CELF4: variants seen among roughly 807,000 people sequenced by gnomAD.
CELF4 encodes CUG-BP- and ETR-3-like factor 4.
Under a neutral mutation model 59.9 loss-of-function variants are expected in CELF4, and 18 were observed. That is an observed-to-expected ratio of 0.30 (90% confidence interval 0.21 to 0.45). The LOEUF (loss-of-function observed/expected upper bound fraction) is 0.45, where lower values mean the gene tolerates loss of function less well. Among genes scored for constraint, CELF4 ranks in the 20% least tolerant of loss-of-function variants. The probability of loss-of-function intolerance (pLI) is 1.00; values close to 1 mark genes in which losing one functional copy is unlikely to be tolerated. For missense variants in CELF4, 456 were observed against 689.0 expected, an observed-to-expected ratio of 0.66 and a Z score of 3.79; for synonymous variants, 261 against 267.1, an observed-to-expected ratio of 0.98 and a Z score of 0.22.
chr18:37,463,577 G>A (rs1333992979), intron 2 of CELF4, among the ~76,000 whole-genome samples: 6 of 152,142 alleles, frequency 3.9e-5, no homozygotes, highest in Non-Finnish European at 8.8e-5. Flanking sequence ...TTTGGACCTG[G>A]GCCAAAGGGT....
chr18:37,392,890 A>G lies in CELF4; in HGVS notation c.370-71009T>C, dbSNP rs1341495013. Among the ~76,000 whole-genome samples, 11 of 152,110 alleles carry G rather than the reference A, an allele frequency of 7.2e-5. No individual in the cohort carries two copies. The East Asian group carries it at 2.1e-3, about 29-fold the overall frequency. ...CTTCATCCTCTTCAAAGCTCTTATC[A>G]GCGCCTACATTGATATTGTTTATCG... On this transcript the variant is annotated intron_variant, in intron 2 of 12. Coordinates refer to ENST00000420428, the MANE Select transcript of CELF4 (RefSeq NM_020180.4).
intron 11 of CELF4, among the ~76,000 whole-genome samples, chr18:37,256,864 C>T (rs989151872): frequency 3.9e-5 from 6 of 152,200 alleles, no homozygotes; most frequent in African/African-American, 1.4e-4. Context: ...GGATTATAGG[C>T]ATGAGCCACT....
intron 2 of CELF4, among the ~76,000 whole-genome samples, chr18:37,450,541 G>C (rs1021104109): frequency 1.3e-5 from 2 of 151,758 alleles, no homozygotes; most frequent in Non-Finnish European, 2.9e-5. Context: ...ATTCAAGGCA[G>C]ATAAAGTGCG....
At chr18:37,397,774 T>C (rs1348645230) in intron 2 of CELF4, among the ~76,000 whole-genome samples, 1 of 152,200 alleles carries the variant, frequency 6.6e-6, no homozygotes, top group Non-Finnish European at 1.5e-5. Context: ...ATCAGAGAAG[T>C]CCAGTCTCAG....
intron 2 of CELF4, among the ~76,000 whole-genome samples, chr18:37,343,489 G>T (rs2098131419): frequency 6.6e-6 from 1 of 152,026 alleles, no homozygotes; most frequent in Admixed American, 6.6e-5. Flanking sequence ...TGGCAGCCGG[G>T]TGCAGTCTAA....
At chr18:37,482,249 T>C (rs1390071815) in intron 2 of CELF4, among the ~76,000 whole-genome samples, 1 of 152,160 alleles carries the variant, frequency 6.6e-6, no homozygotes, top group African/African-American at 2.4e-5. Context: ...CTGCCCCATG[T>C]TGACTGTCCC....
At chr18:37,317,336 A>G (rs2096902577) in intron 3 of CELF4, among the ~76,000 whole-genome samples, 1 of 152,232 alleles carries the variant, frequency 6.6e-6, no homozygotes, top group Non-Finnish European at 1.5e-5. Context: ...GCAGTGAGCC[A>G]AGATCGTGCT....
intron 2 of CELF4, among the ~76,000 whole-genome samples, chr18:37,390,137 G>A (rs191693082): frequency 5.3e-5 from 8 of 152,304 alleles, no homozygotes; most frequent in African/African-American, 1.2e-4. Context: ...CCTTGTCCAC[G>A]CCCCCTCCCC....
chr18:37,431,364 T>C (rs1242934690), intron 2 of CELF4, among the ~76,000 whole-genome samples: 1 of 129,606 alleles, frequency 7.7e-6, no homozygotes, highest in Non-Finnish European at 1.6e-5. Context: ...TTTCTTTCCT[T>C]TTTTTTTTTT....
chr18:37,458,347 C>T (rs2099784404), intron 2 of CELF4, among the ~76,000 whole-genome samples: 1 of 152,180 alleles, frequency 6.6e-6, no homozygotes, highest in Non-Finnish European at 1.5e-5. Context: ...TTTTCTTTGC[C>T]CTAGTAAGGA....
chr18:37,432,786 CT>C (rs1260298260), intron 2 of CELF4, among the ~76,000 whole-genome samples: 1 of 152,182 alleles, frequency 6.6e-6, no homozygotes, highest in Non-Finnish European at 1.5e-5. Context: ...CTCACATTTA[CT>C]GTTTTCTACC....
chr18:37,513,713 C>G (rs2099947207), intron 1 of CELF4, among the ~76,000 whole-genome samples: 1 of 152,178 alleles, frequency 6.6e-6, no homozygotes, highest in Non-Finnish European at 1.5e-5. Context: ...CATCCTGGTT[C>G]CAGCTCCTGG....
intron 8 of CELF4, among the ~76,000 whole-genome samples, chr18:37,267,836 G>C (rs1441947028): frequency 2.0e-5 from 3 of 152,130 alleles, no homozygotes; most frequent in Non-Finnish European, 4.4e-5. Context: ...AGGAGCTTGA[G>C]ACCAGCCTGG....
intron 1 of CELF4, among the ~76,000 whole-genome samples, chr18:37,563,184 G>A (rs746860247): frequency 6.6e-6 from 1 of 151,826 alleles, no homozygotes; most frequent in African/African-American, 2.4e-5. Flanking sequence ...TTATATGAGA[G>A]AGTCCAAATT....
At chr18:37,541,683 G>A (rs763525630) in intron 1 of CELF4, among the ~76,000 whole-genome samples, 6 of 151,836 alleles carry the variant, frequency 4.0e-5, no homozygotes, top group South Asian at 2.1e-4. Context: ...CCCAGGACAC[G>A]CCTGTCACAC....
intron 1 of CELF4, among the ~76,000 whole-genome samples, chr18:37,547,149 TGTGTGTGTGTG>T (rs1457525004): frequency 1.7e-5 from 2 of 117,212 alleles, no homozygotes; most frequent in Non-Finnish European, 1.7e-5. Context: ...AGTGTATGTG[TGTGTGTGTGTG>T]GTGTGTGTGT....
chr18:37,523,405 C>T (rs1483299869), intron 1 of CELF4, among the ~76,000 whole-genome samples: 1 of 152,200 alleles, frequency 6.6e-6, no homozygotes, highest in African/African-American at 2.4e-5. Context: ...GAAGAAGTTC[C>T]ATCTTTCAGC....
chr18:37,455,525 C>T (rs2099775832), intron 2 of CELF4, among the ~76,000 whole-genome samples: 1 of 152,202 alleles, frequency 6.6e-6, no homozygotes, highest in Non-Finnish European at 1.5e-5. Context: ...TGAGAAGCCC[C>T]TCTCTTTCCA....
chr18:37,403,001 G>C (rs1179350455), intron 2 of CELF4, among the ~76,000 whole-genome samples: 1 of 152,208 alleles, frequency 6.6e-6, no homozygotes, highest in African/African-American at 2.4e-5. Context: ...GCTCCGTGGG[G>C]GTGGCATCTT....
Sources: gnomAD v4.1 joint callset for allele counts (sites outside exome capture counted in the v4.1 genomes callset) on GRCh38, gnomAD v4.1.1 for gene constraint, MANE v1.5 for transcripts, NCBI Gene and HGNC (gene_info 2026-07-23, HGNC 2026-07-21) for gene names.